GAL3ST3: variants seen among roughly 807,000 people sequenced by gnomAD.
GAL3ST3 encodes beta-galactose-3-O-sulfotransferase 3.
In GAL3ST3, 21 loss-of-function variants were observed where a neutral mutation model predicts 20.8. The ratio of observed to expected loss-of-function variants is 1.01; its 90% CI spans 0.72 to 1.45. The LOEUF (loss-of-function observed/expected upper bound fraction) is 1.45. Ranked by LOEUF, GAL3ST3 falls within the 40% of genes most tolerant of loss-of-function variation. The pLI is 0.00. For synonymous variants in GAL3ST3, 355 were observed against 307.2 expected, an observed-to-expected ratio of 1.16 and a Z score of -1.63; for missense variants, 739 against 662.7, an observed-to-expected ratio of 1.12 and a Z score of -1.26.
chr11:66,043,819 G>T, intron 2 of GAL3ST3, 142 bp from the exon 3 acceptor site: 1 of 700,388 alleles, frequency 1.4e-6, no homozygotes, highest in Non-Finnish European at 2.3e-6. Context: ...GCGGTGCTTG[G>T]TAGCCTCTAA....
In GAL3ST3 at chr11:66,043,025, C is replaced by T. The variant is rs566693348; in HGVS notation, c.778G>A (p.Asp260Asn). The T allele has an allele frequency of 3.2e-5, 52 of 1,609,936 alleles. No homozygotes were observed. The South Asian group carries it at 5.4e-4, about 17-fold the overall frequency. Residue 260 changes from aspartate to asparagine, a missense_variant, in exon 3 of 3, where the codon GAC becomes AAC. Coordinates refer to ENST00000312006, the MANE Select transcript of GAL3ST3 (RefSeq NM_033036.3). The stretch of plus-strand genomic sequence containing the variant: ...TTGAGCTTGGCGTAGAGCACGTCGT[C>T]CAGGTCCCAGGCCAGTAGGCGCCGC... ...LLRRLLAWDL[D>N]DVLYAKLNAR...
chr11:66,043,391 C>A lies in GAL3ST3; in HGVS notation c.412G>T (p.Glu138Ter), dbSNP rs1254868472. 31 of 1,610,122 alleles carry A rather than the reference C, an allele frequency of 1.9e-5. No homozygotes were observed. The highest frequency in any genetic ancestry group is 2.5e-5 in the Non-Finnish European group (30 of 1,178,562). ...ACGGTGCTGGGCGGCATGAGGCGCT[C>A]CAGCTCCGCACGGTCGAAGCGCAGG... ...SHLRFDRAEL[E>*]RLMPPSTVYV... The change falls in exon 3 of 3, where the codon GAG becomes TAG. Residue 138 changes from glutamate to a stop codon, truncating the protein, a stop_gained. Coordinates refer to ENST00000312006, the MANE Select transcript of GAL3ST3 (RefSeq NM_033036.3). LOFTEE classifies it high-confidence loss of function.
rs1311961035 is a variant in GAL3ST3, at chr11:66,043,327, T to C, written c.476A>G (p.Glu159Gly). 6.2e-7 allele frequency: 1 copy of C among 1,612,124 alleles called. No homozygotes were observed. Among genetic ancestry groups the C allele is most frequent in the Non-Finnish European group, 8.5e-7 (1 of 1,179,204 alleles). Residue 159 changes from glutamate (E) to glycine (G), a missense_variant, in exon 3 of 3, where the codon GAG becomes GGG. Glu to Gly is a moderately conservative substitution (Grantham distance 98). Coordinates refer to ENST00000312006, the MANE Select transcript of GAL3ST3 (RefSeq NM_033036.3). ...CTGGTTGTAGTAGCTGAAGAGCGAC[T>C]CGAACATGGCGGCCGGCTCGCGCAG... ...TILREPAAMFESLFSYYNQYC... is the reference protein window; with the variant it reads ...TILREPAAMFGSLFSYYNQYC...
chr11:66,042,995 G>T lies in GAL3ST3; in HGVS notation c.808C>A (p.Arg270Ser). 6.3e-7 allele frequency: 1 copy of T among 1,599,786 alleles called. No homozygotes were observed. The highest frequency in any genetic ancestry group is 8.5e-7 in the Non-Finnish European group (1 of 1,175,686). Residue 270 changes from arginine (R) to serine (S), a missense_variant, in exon 3 of 3, where the codon CGC becomes AGC. Coordinates refer to ENST00000312006, the MANE Select transcript of GAL3ST3 (RefSeq NM_033036.3). ...GCGGCCAGGCGCGAGCTGGCGGCGC[G>T]CGCGTTGAGCTTGGCGTAGAGCACG... ...DDVLYAKLNA[R>S]AASSRLAAIP... is the part of the protein sequence containing the mutation.
rs758747310 is a variant in GAL3ST3, at chr11:66,043,443, C to T, written c.360G>A (p.Thr120=). ...NFSAHFVHPA[T]RPPHVLASHL... ...GGCTGGCCAGCACGTGCGGCGGCCG[C>T]GTGGCCGGGTGCACGAAGTGCGCCG... Residue 120 remains threonine (T), a synonymous_variant, in exon 3 of 3, where the codon ACG becomes ACA. Transcript: ENST00000312006. 4.4e-6 allele frequency: 7 copies of T among 1,609,138 alleles called. No homozygotes were observed. In the African/African-American group the frequency reaches 6.7e-5, roughly 15 times the overall value.
At chr11:66,047,778 C>T (rs1856797410) in intron 1 of GAL3ST3, among the ~76,000 whole-genome samples, 1 of 152,208 alleles carries the variant, frequency 6.6e-6, no homozygotes, top group African/African-American at 2.4e-5. Context: ...CTTACACCTC[C>T]CATTCTGCAC....
At position 66,043,424 on chromosome 11, in the gene GAL3ST3, C is replaced by G. The variant is rs1295179193; in HGVS notation, c.379G>C (p.Ala127Pro). ...HPATRPPHVL[A>P]SHLRFDRAEL... is the part of the protein sequence containing the mutation. ...GCACGGTCGAAGCGCAGGTGGCTGG[C>G]CAGCACGTGCGGCGGCCGCGTGGCC... Residue 127 changes from alanine (A) to proline (P), a missense_variant, in exon 3 of 3, where the codon GCC becomes CCC. Transcript: ENST00000312006. 3.7e-6 allele frequency: 6 copies of G among 1,609,044 alleles called. No individual in the cohort carries two copies. Among genetic ancestry groups the G allele is most frequent in the Non-Finnish European group, 5.1e-6 (6 of 1,178,086 alleles).
chr11:66,045,598 CAA>C (rs1856774951), intron 1 of GAL3ST3, 71 bp from the exon 2 acceptor site: 1 of 525,538 alleles, frequency 1.9e-6, no homozygotes, highest in Non-Finnish European at 3.2e-6. Context: ...AGGTCTGATG[CAA>C]AGAGCTCCAA....
At chr11:66,048,209 C>T (rs1363060469) in intron 1 of GAL3ST3, among the ~76,000 whole-genome samples, 1 of 152,190 alleles carries the variant, frequency 6.6e-6, no homozygotes, top group East Asian at 1.9e-4. Flanking sequence ...GGTCAGGACG[C>T]CCAGGCTCAT....
In GAL3ST3 at chr11:66,041,617, T is replaced by A. The variant is rs1158849514; in HGVS notation, c.*890A>T. ...AGTCCTTCCTCTTTGCTTACCTGTCTTGCTCCTGTTCCAATGTTTCCCCAT... is the reference window on the plus strand; with the variant it reads ...AGTCCTTCCTCTTTGCTTACCTGTCATGCTCCTGTTCCAATGTTTCCCCAT... On this transcript the variant is annotated 3_prime_UTR_variant, in exon 3 of 3. Transcript: ENST00000312006. Among the ~76,000 whole-genome samples the A allele has an allele frequency of 6.6e-6, 1 of 152,230 alleles. No individual in the cohort carries two copies. The highest frequency in any genetic ancestry group is 1.5e-5 in the Non-Finnish European group (1 of 68,042).
At chr11:66,048,305 C>T (rs1235766461) in intron 1 of GAL3ST3, among the ~76,000 whole-genome samples, 1 of 152,182 alleles carries the variant, frequency 6.6e-6, no homozygotes, top group Non-Finnish European at 1.5e-5. Flanking sequence ...CTCCAGGGAA[C>T]CAAAGAAATA....
rs574489665 is a variant in GAL3ST3 at position 66,045,085 on chromosome 11, T to A, written c.125+206A>T. On this transcript the variant is annotated intron_variant, in intron 2 of 2. Coordinates refer to ENST00000312006, the MANE Select transcript of GAL3ST3 (RefSeq NM_033036.3). The stretch of plus-strand genomic sequence containing the variant: ...CATGCTGTGGGGAGTTGAGCTGGAT[T>A]CGGATCTCAGCTAACTGATTCTGTA... The A allele has an allele frequency of 9.7e-6, 4 of 412,418 alleles. No homozygotes were observed. The East Asian group carries it at 1.1e-4, about 12-fold the overall frequency. 25.5% of individuals were successfully genotyped at this position (412,418 alleles called of 1,614,324 possible).
At chr11:66,047,074 G>T (rs1294846589) in intron 1 of GAL3ST3, among the ~76,000 whole-genome samples, 1 of 152,182 alleles carries the variant, frequency 6.6e-6, no homozygotes, top group African/African-American at 2.4e-5. Flanking sequence ...CCGGAGCCAA[G>T]GGTAAAGGGT....
rs1427038555 is a variant in GAL3ST3 at position 66,042,354 on chromosome 11, G to C, written c.*153C>G. The stretch of plus-strand genomic sequence containing the variant: ...AGGTTCAGCCCACGATCGGGAGCGG[G>C]GGCTCAGATAGGGAGGCGTACCCCA... On this transcript the variant is annotated 3_prime_UTR_variant, in exon 3 of 3. Coordinates refer to ENST00000312006, the MANE Select transcript of GAL3ST3 (RefSeq NM_033036.3). The C allele has an allele frequency of 1.7e-6, 1 of 604,576 alleles. No homozygotes were observed. Among genetic ancestry groups the C allele is most frequent in the Non-Finnish European group, 2.7e-6 (1 of 366,144 alleles). The allele number at this position is 604,576 out of a possible 1,614,324, so 37.5% of individuals were successfully genotyped here. A position where few individuals can be genotyped will look rare whatever the true frequency, so the allele number is the denominator to read the frequency against.
intron 2 of GAL3ST3, 36 bp from the exon 3 acceptor site, chr11:66,043,713 T>C: frequency 6.5e-7 from 1 of 1,538,784 alleles, no homozygotes; most frequent in Non-Finnish European, 8.8e-7. Context: ...GAGGAGGGTG[T>C]GAGGGGGCTG....
rs1320141491 is a variant in GAL3ST3 at position 66,043,223 on chromosome 11, C to T, written c.580G>A (p.Gly194Ser). 7 of 1,612,452 alleles carry T rather than the reference C, an allele frequency of 4.3e-6. No homozygotes were observed. Among genetic ancestry groups the T allele is most frequent in the Middle Eastern group, 1.7e-4 (1 of 6,060 alleles). The change falls in exon 3 of 3, where the codon GGC becomes AGC. Residue 194 changes from glycine (G) to serine (S), a missense_variant. Transcript: ENST00000312006. ...LRAPEAYYRAGEHFAMFAHNT... is the reference protein window; with the variant it reads ...LRAPEAYYRASEHFAMFAHNT... ...TGTGCGAACATGGCGAAGTGCTCGC[C>T]AGCGCGGTAGTATGCCTCGGGCGCG...
chr11:66,042,118 A>C lies in GAL3ST3; in HGVS notation c.*389T>G. ...GCCTCAAGCCCTGGGAGGGAGAGCA[A>C]GAGCAGCCTTTCCCTAGGGCTGAGC... On this transcript the variant is annotated 3_prime_UTR_variant, in exon 3 of 3. Transcript: ENST00000312006. The C allele has an allele frequency of 5.8e-6, 1 of 172,358 alleles. No individual in the cohort carries two copies. Among genetic ancestry groups the C allele is most frequent in the Non-Finnish European group, 1.2e-5 (1 of 81,502 alleles). 10.7% of individuals were successfully genotyped at this position (172,358 alleles called of 1,614,324 possible).
Position 66,045,495 on chromosome 11 carries a change from G to T in GAL3ST3, c.-80C>A. The T allele has an allele frequency of 7.1e-7, 1 of 1,418,164 alleles. No individual in the cohort carries two copies. Among genetic ancestry groups the T allele is most frequent in the Non-Finnish European group, 9.4e-7 (1 of 1,067,844 alleles). 87.8% of individuals were successfully genotyped at this position (1,418,164 alleles called of 1,614,324 possible). A position where few individuals can be genotyped will look rare whatever the true frequency, so the allele number is the denominator to read the frequency against. On this transcript the variant is annotated 5_prime_UTR_variant, in exon 2 of 3. Coordinates refer to ENST00000312006, the MANE Select transcript of GAL3ST3 (RefSeq NM_033036.3). ...ACAGGCACTCATGGGGGATCCTGCG[G>T]CTCTGGTAGCAGGGCCAGTGTTCCC...
At chr11:66,045,173 G>A (rs1189323627) in intron 2 of GAL3ST3, 118 bp downstream of exon 2, 5 of 852,040 alleles carry the variant, frequency 5.9e-6, no homozygotes, top group Non-Finnish European at 8.5e-6. Context: ...AGGCTGTGTG[G>A]CCCTAAAGGG....
Sources: gnomAD v4.1 joint callset for allele counts (sites outside exome capture counted in the v4.1 genomes callset) on GRCh38, gnomAD v4.1.1 for gene constraint, MANE v1.5 for transcripts, NCBI Gene and HGNC (gene_info 2026-07-23, HGNC 2026-07-21) for gene names.